Variants in CELF2 observed in about 807,000 individuals in gnomAD.
CELF2 encodes CUGBP Elav-like family member 2.
Under a neutral mutation model 62.6 loss-of-function variants are expected in CELF2, and 8 were observed. That is an observed-to-expected ratio of 0.13 (90% CI 0.07 to 0.23). The LOEUF is 0.23. Ranked by LOEUF, CELF2 falls within the 10% of genes least tolerant of loss-of-function variation. CELF2 has a pLI of 1.00. For missense variants in CELF2, 333 were observed against 671.0 expected, an observed-to-expected ratio of 0.50 and a Z score of 5.56; for synonymous variants, 258 against 250.0, an observed-to-expected ratio of 1.03 and a Z score of -0.30.
At chr10:10,711,749 G>A in the CELF2 span, among the ~76,000 whole-genome samples, 7 of 152,046 alleles carry the variant, frequency 4.6e-5, no homozygotes, top group African/African-American at 1.7e-4. Context: ...AGGCATGGTG[G>A]TGCATGCCTG....
intron 1 of CELF2, among the ~76,000 whole-genome samples, chr10:11,126,256 AC>A (rs1357132438): frequency 1.3e-5 from 2 of 152,188 alleles, no homozygotes; most frequent in Non-Finnish European, 2.9e-5. Flanking sequence ...TCCTTTCAGA[AC>A]CATTTTTCGC....
Position 11,011,453 on chromosome 10 carries a change from A to C in CELF2, c.53+6013A>C, listed in dbSNP as rs2137448424. 6.7e-6 allele frequency among the ~76,000 whole-genome samples: 1 copy of C among 149,352 alleles called. No individual in the cohort carries two copies. The highest frequency in any genetic ancestry group is 1.5e-5 in the Non-Finnish European group (1 of 67,702). The stretch of plus-strand genomic sequence containing the variant: ...GGTGTCATTAGGACACCCTGAATTC[A>C]TCTTTATTATTAAAAAAAAAAAAAA... On this transcript the variant is annotated intron_variant, in intron 1 of 12. Coordinates refer to the CELF2 transcript ENST00000416382. This position sits in a 1 kb window ranked among gnomAD's most constrained non-coding sequence, Gnocchi z 4.6.
chr10:10,963,396 T>C (rs935027423), intron 2 of CELF2, among the ~76,000 whole-genome samples: 3 of 152,186 alleles, frequency 2.0e-5, no homozygotes, highest in African/African-American at 4.8e-5. Context: ...TCTTCTCTTA[T>C]ATTTCACACT....
chr10:10,575,024 A>C, the CELF2 span, among the ~76,000 whole-genome samples: 1 of 151,928 alleles, frequency 6.6e-6, no homozygotes, highest in South Asian at 2.1e-4. Flanking sequence ...GACCTATGTT[A>C]ATGTTTAAAT....
rs56373613 is a variant in CELF2 at position 11,202,901 on chromosome 10, A to ATCTCTCTCTCTC, written c.272-14484_272-14473dup. On this transcript the variant is annotated intron_variant, in intron 2 of 12. Transcript: ENST00000633077. ...TGCCTGCCTTCCCACCCCCATCCTC[A>ATCTCTCTCTCTC]TCTCTCTCTCTCTCTCTCTCTCTCT... Among the ~76,000 whole-genome samples, 9 of 70,970 alleles carry ATCTCTCTCTCTC rather than the reference A, an allele frequency of 1.3e-4. No individual in the cohort carries two copies. The East Asian group carries it at 3.4e-3, about 27-fold the overall frequency. 46.6% of individuals were successfully genotyped at this position (70,970 alleles called of 152,430 possible).
intron 1 of CELF2, among the ~76,000 whole-genome samples, chr10:10,832,148 G>A (rs1404896042): frequency 7.2e-6 from 1 of 139,708 alleles, no homozygotes; most frequent in Non-Finnish European, 1.6e-5. Flanking sequence ...AGTGCCTGTA[G>A]TCCCAGCCAG....
upstream of CELF2, among the ~76,000 whole-genome samples, chr10:11,014,881 G>A (rs927696007): frequency 1.3e-5 from 2 of 152,180 alleles, no homozygotes; most frequent in Non-Finnish European, 2.9e-5. Flanking sequence ...GGGGGATGGG[G>A]CTAAGAAGAG....
At chr10:10,607,870 C>T in the CELF2 span, among the ~76,000 whole-genome samples, 1 of 152,128 alleles carries the variant, frequency 6.6e-6, no homozygotes, top group African/African-American at 2.4e-5. Flanking sequence ...GCAGGAGAAT[C>T]ACTTGAACCC....
chr10:10,591,172 T>C, the CELF2 span, among the ~76,000 whole-genome samples: 3 of 152,156 alleles, frequency 2.0e-5, no homozygotes, highest in African/African-American at 7.2e-5. Flanking sequence ...ACCTAGAAAT[T>C]TCATTTAATT....
chr10:11,129,029 C>G (rs1595823291), intron 1 of CELF2, among the ~76,000 whole-genome samples: 2 of 152,060 alleles, frequency 1.3e-5, no homozygotes, highest in Non-Finnish European at 2.9e-5. Context: ...ATAAATAGCT[C>G]TTATTATTTT....
At position 11,110,383 on chromosome 10, in the gene CELF2, G is replaced by C. The variant is rs2054822323; in HGVS notation, c.75-55103G>C. ...TTCATCCCCGTCATTGAGTGGAACAGAAAAAATGTGAAACGATGAAGTTTT... is the reference window on the plus strand; with the variant it reads ...TTCATCCCCGTCATTGAGTGGAACACAAAAAATGTGAAACGATGAAGTTTT... On this transcript the variant is annotated intron_variant, in intron 1 of 12. Transcript: ENST00000633077. The surrounding 1 kb of genome is among the most constrained non-coding windows in gnomAD (Gnocchi z 4.0). Among the ~76,000 whole-genome samples, 1 of 152,208 alleles carries C rather than the reference G, an allele frequency of 6.6e-6. No individual in the cohort carries two copies. The highest frequency in any genetic ancestry group is 1.5e-5 in the Non-Finnish European group (1 of 68,042).
chr10:10,462,754 A>T, the CELF2 span, among the ~76,000 whole-genome samples: 1 of 150,358 alleles, frequency 6.7e-6, no homozygotes, highest in African/African-American at 2.5e-5. Flanking sequence ...CTGATGTACG[A>T]CCTTCGCGTC....
intron 1 of CELF2, among the ~76,000 whole-genome samples, chr10:10,894,646 T>C (rs1473185873): frequency 6.6e-6 from 1 of 150,908 alleles, no homozygotes; most frequent in African/African-American, 2.4e-5. Flanking sequence ...GAAAGAAGGA[T>C]CCACTATGAT....
intron 7 of CELF2, among the ~76,000 whole-genome samples, chr10:11,273,767 G>A (rs2084839919): frequency 6.6e-6 from 1 of 150,986 alleles, no homozygotes. Context: ...TGTTGCCCAG[G>A]TTGGAGTGCT....
intron 2 of CELF2, among the ~76,000 whole-genome samples, chr10:11,195,667 G>A (rs1031462941): frequency 3.9e-5 from 6 of 152,212 alleles, no homozygotes; most frequent in South Asian, 2.1e-4. Context: ...AGACCTTGAC[G>A]TCACAAACCG....
chr10:11,062,155 A>T (rs201898609), intron 1 of CELF2, among the ~76,000 whole-genome samples: 10 of 125,032 alleles, frequency 8.0e-5, no homozygotes, highest in Admixed American at 2.4e-4. Flanking sequence ...TCAGGGGGGG[A>T]AAAAAAAATT....
Position 11,064,692 on chromosome 10 carries a change from T to G in CELF2, c.74+46529T>G, listed in dbSNP as rs182362418. Among the ~76,000 whole-genome samples the G allele has an allele frequency of 7.4e-4, 113 of 152,216 alleles. 2 individuals carry two copies. Among genetic ancestry groups the G allele is most frequent in the African/African-American group, 2.6e-3 (109 of 41,514 alleles). On this transcript the variant is annotated intron_variant, in intron 1 of 12. Transcript: ENST00000633077. Reference sequence around the variant, plus strand: ...CTCTTCCCCACCCCCCAAATATGATTTAAAATCTTGATATATAGAGCAGGA... The same window carrying G: ...CTCTTCCCCACCCCCCAAATATGATGTAAAATCTTGATATATAGAGCAGGA...
At chr10:10,567,493 T>A in the CELF2 span, among the ~76,000 whole-genome samples, 1 of 152,010 alleles carries the variant, frequency 6.6e-6, no homozygotes, top group Non-Finnish European at 1.5e-5. Flanking sequence ...AGAAGCAGAA[T>A]GGGGCGGGAA....
Position 11,117,348 on chromosome 10 carries a change from C to T in CELF2, c.75-48138C>T, listed in dbSNP as rs2056774620. 6.6e-6 allele frequency among the ~76,000 whole-genome samples: 1 copy of T among 152,134 alleles called. No homozygotes were observed. Among genetic ancestry groups the T allele is most frequent in the Admixed American group, 6.6e-5 (1 of 15,266 alleles). ...TTCAACGGGTGTAACAATATAAATC[C>T]TGCTGATTTCACAAAAGTCAAAATG... On this transcript the variant is annotated intron_variant, in intron 1 of 12. Transcript: ENST00000633077. This position sits in a 1 kb window ranked among gnomAD's most constrained non-coding sequence, Gnocchi z 4.1.
Sources: gnomAD v4.1 joint callset for allele counts (sites outside exome capture counted in the v4.1 genomes callset) on GRCh38, gnomAD v4.1.1 for gene constraint, Gnocchi (gnomAD v3.1) non-coding constraint, MANE v1.5 for transcripts, NCBI Gene and HGNC (gene_info 2026-07-23, HGNC 2026-07-21) for gene names.